Variants in IGF1R observed in about 807,000 individuals in gnomAD.
IGF1R encodes insulin like growth factor 1 receptor.
Under a neutral mutation model 144.6 loss-of-function variants are expected in IGF1R, and 44 were observed. The ratio of observed to expected loss-of-function variants is 0.30; its 90% CI spans 0.24 to 0.39. The LOEUF is 0.39. Ranked by LOEUF, IGF1R falls within the 10% of genes least tolerant of loss-of-function variation. The probability of loss-of-function intolerance (pLI) is 1.00; values close to 1 mark genes in which losing one functional copy is unlikely to be tolerated. For synonymous variants in IGF1R, 795 were observed against 722.8 expected (o/e 1.10, Z -1.60); for missense variants, 1,355 against 1,833.7 (o/e 0.74, Z 4.77).
At chr15:98,782,552 T>C (rs1413984238) in intron 2 of IGF1R, among the ~76,000 whole-genome samples, 1 of 152,226 alleles carries the variant, frequency 6.6e-6, no homozygotes, top group Non-Finnish European at 1.5e-5. Flanking sequence ...CTTAATAATT[T>C]ACCTTGCTTA....
At chr15:98,793,806 C>G (rs1459860189) in intron 2 of IGF1R, among the ~76,000 whole-genome samples, 6 of 152,128 alleles carry the variant, frequency 3.9e-5, no homozygotes, top group African/African-American at 1.4e-4. Flanking sequence ...TTATTTCAGC[C>G]AAGATAAAAC....
At chr15:98,839,433 C>G (rs2011138775) in intron 2 of IGF1R, among the ~76,000 whole-genome samples, 1 of 152,204 alleles carries the variant, frequency 6.6e-6, no homozygotes, top group Non-Finnish European at 1.5e-5. Context: ...TATATGCTCA[C>G]ACTGGGTGGT....
At chr15:98,662,665 T>C (rs1205978278) in intron 1 of IGF1R, among the ~76,000 whole-genome samples, 2 of 152,128 alleles carry the variant, frequency 1.3e-5, no homozygotes, top group Non-Finnish European at 2.9e-5. Context: ...AGTTATGGGA[T>C]GCTGACCGGA....
At chr15:98,661,231 C>T (rs1463997765) in intron 1 of IGF1R, among the ~76,000 whole-genome samples, 1 of 152,080 alleles carries the variant, frequency 6.6e-6, no homozygotes, top group African/African-American at 2.4e-5. Context: ...TCTTACAGGT[C>T]TCTCTATCAT....
intron 2 of IGF1R, among the ~76,000 whole-genome samples, chr15:98,878,687 A>T (rs1162656191): frequency 8.0e-6 from 1 of 125,606 alleles, no homozygotes; most frequent in South Asian, 2.5e-4. Flanking sequence ...AAAAAAAAAA[A>T]AAAAAAAACA....
rs1433316596 is a variant in IGF1R, at chr15:98,704,955, T to C, written c.95-2607T>C. ...CTCTTTGATTCTTAACGTGAGCAAC[T>C]CAGAGAATGAGAGTGCTGCAGTTTA... On this transcript the variant is annotated intron_variant, in intron 1 of 20. Transcript: ENST00000650285. The surrounding 1 kb of genome is among the most constrained non-coding windows in gnomAD (Gnocchi z 4.9). Among the ~76,000 whole-genome samples, 1 of 152,160 alleles carries C rather than the reference T, an allele frequency of 6.6e-6. No individual in the cohort carries two copies. The highest frequency in any genetic ancestry group is 2.4e-5 in the African/African-American group (1 of 41,440).
chr15:98,705,212 A>T (rs1172613975), intron 1 of IGF1R, among the ~76,000 whole-genome samples: 1 of 152,162 alleles, frequency 6.6e-6, no homozygotes, highest in Non-Finnish European at 1.5e-5. Flanking sequence ...AGCAGTGTGG[A>T]ATCAGGGAAG....
rs56053072 is a variant in IGF1R, at chr15:98,929,858, G to A, written c.2885+198G>A. On this transcript the variant is annotated intron_variant, in intron 14 of 20. Coordinates refer to ENST00000650285, the MANE Select transcript of IGF1R (RefSeq NM_000875.5). Reference sequence around the variant, plus strand: ...CAACAGCCAAAATAATTTTTCGATGGTACAGACCTTCCCCTGGCTGGCTTT... The same window carrying A: ...CAACAGCCAAAATAATTTTTCGATGATACAGACCTTCCCCTGGCTGGCTTT... Among the ~76,000 whole-genome samples the A allele has an allele frequency of 3.8e-3, 581 of 152,300 alleles. 2 individuals carry two copies. The highest frequency in any genetic ancestry group is 0.013 in the African/African-American group (543 of 41,552).
chr15:98,738,283 G>T (rs767470896), intron 2 of IGF1R, among the ~76,000 whole-genome samples: 49 of 152,320 alleles, frequency 3.2e-4, no homozygotes, highest in Non-Finnish European at 5.7e-4. Context: ...GGATCCTTCC[G>T]ACTCAGCCTC....
chr15:98,780,091 T>G (rs1003231961), intron 2 of IGF1R, among the ~76,000 whole-genome samples: 25 of 126,086 alleles, frequency 2.0e-4, no homozygotes, highest in African/African-American at 9.9e-4. Flanking sequence ...CAGGTGGCTA[T>G]TTTTTTTTTT....
At chr15:98,768,892 C>G (rs894915671) in intron 2 of IGF1R, among the ~76,000 whole-genome samples, 3 of 151,542 alleles carry the variant, frequency 2.0e-5, no homozygotes, top group Non-Finnish European at 4.4e-5. Context: ...CACACCACTG[C>G]ACTCCAACCT....
At chr15:98,737,127 A>G (rs923014437) in intron 2 of IGF1R, among the ~76,000 whole-genome samples, 2 of 152,106 alleles carry the variant, frequency 1.3e-5, no homozygotes, top group East Asian at 1.9e-4. Flanking sequence ...CTTAAAATGG[A>G]ATGGCTTTTT....
In IGF1R at chr15:98,959,375, C is replaced by G. The variant is rs1293855533; in HGVS notation, c.*1933C>G. 3.0e-5 allele frequency: 7 copies of G among 233,672 alleles called. No homozygotes were observed. Among genetic ancestry groups the G allele is most frequent in the Non-Finnish European group, 3.4e-5 (4 of 118,090 alleles). The allele number at this position is 233,672 out of a possible 1,614,324, so 14.5% of individuals were successfully genotyped here. The stretch of plus-strand genomic sequence containing the variant: ...GGGCCTGTTGTGGCCCTCGCCACCC[C>G]CCTCACCGGACCGACTGACCTGTCT... On this transcript the variant is annotated 3_prime_UTR_variant, in exon 21 of 21. Transcript: ENST00000650285.
chr15:98,667,370 C>A (rs1055394350), intron 1 of IGF1R, among the ~76,000 whole-genome samples: 1 of 151,996 alleles, frequency 6.6e-6, no homozygotes, highest in Non-Finnish European at 1.5e-5. Context: ...AATGGACTGC[C>A]TCATTACAGA....
rs981158713 is a variant in IGF1R, at chr15:98,747,791, A to G, written c.640+39684A>G. Among the ~76,000 whole-genome samples the G allele has an allele frequency of 6.6e-5, 10 of 152,334 alleles. No homozygotes were observed. The East Asian group carries it at 1.7e-3, about 26-fold the overall frequency. On this transcript the variant is annotated intron_variant, in intron 2 of 20. Coordinates refer to ENST00000650285, the MANE Select transcript of IGF1R (RefSeq NM_000875.5). ...TCAAGAGCTAGAGAGAGATGATACT[A>G]TGACCAAATTTGGTTTGAATGTATT...
At chr15:98,663,475 T>C (rs1596153735) in intron 1 of IGF1R, among the ~76,000 whole-genome samples, 1 of 152,166 alleles carries the variant, frequency 6.6e-6, no homozygotes, top group African/African-American at 2.4e-5. Context: ...TCACCTTTAT[T>C]AGGGGCATCA....
chr15:98,788,840 T>C (rs1403326097), intron 2 of IGF1R, among the ~76,000 whole-genome samples: 1 of 152,230 alleles, frequency 6.6e-6, no homozygotes, highest in Admixed American at 6.5e-5. Flanking sequence ...GGTATCTTCA[T>C]GGTTTTCAGC....
At position 98,891,281 on chromosome 15, in the gene IGF1R, CT is replaced by C. The variant is rs2013896794; in HGVS notation, c.641-43del. On this transcript the variant is annotated intron_variant, in intron 2 of 20. Transcript: ENST00000650285. The surrounding 1 kb of genome is among the most constrained non-coding windows in gnomAD (Gnocchi z 4.7). ...TGGCCAGGCCCAGAGAAGGCGGTGC[CT>C]CCCCTGCCCGGTCTCATCTCCGTCT... 1 of 1,586,358 alleles carries C rather than the reference CT, an allele frequency of 6.3e-7. No individual in the cohort carries two copies. The highest frequency in any genetic ancestry group is 1.1e-5 in the South Asian group (1 of 89,790).
chr15:98,921,329 C>T (rs373615438), intron 10 of IGF1R, among the ~76,000 whole-genome samples: 6 of 152,190 alleles, frequency 3.9e-5, no homozygotes, highest in South Asian at 2.1e-4. Flanking sequence ...ATTAGAGGGT[C>T]GCACCCTCAT....
Sources: gnomAD v4.1 joint callset for allele counts (sites outside exome capture counted in the v4.1 genomes callset) on GRCh38, gnomAD v4.1.1 for gene constraint, Gnocchi (gnomAD v3.1) non-coding constraint, MANE v1.5 for transcripts, NCBI Gene and HGNC (gene_info 2026-07-23, HGNC 2026-07-21) for gene names.